DST: variants seen among roughly 807,000 people sequenced by gnomAD.
DST encodes bullous pemphigoid antigen.
Under a neutral mutation model 875.2 loss-of-function variants are expected in DST, and 253 were observed. The ratio of observed to expected loss-of-function variants is 0.29; its 90% CI spans 0.26 to 0.32. The LOEUF (loss-of-function observed/expected upper bound fraction) is 0.32. Among genes scored for constraint, DST ranks in the 10% least tolerant of loss-of-function variants. The pLI is 1.00. For synonymous variants in DST, 3,124 were observed against 3,197.1 expected, an observed-to-expected ratio of 0.98 and a Z score of 0.77; for missense variants, 8,287 against 9,111.6, an observed-to-expected ratio of 0.91 and a Z score of 3.68.
At chr6:56,619,983 C>A (rs778612637) in intron 36 of DST, 2 of 1,613,992 alleles carry the variant, frequency 1.2e-6, no homozygotes, top group South Asian at 1.1e-5. Flanking sequence ...TGCTGGAGAC[C>A]CGTTACTGCC....
At chr6:56,914,174 C>T (rs755012021) in intron 2 of DST, among the ~76,000 whole-genome samples, 9 of 152,120 alleles carry the variant, frequency 5.9e-5, no homozygotes, top group Non-Finnish European at 1.0e-4. Context: ...GGCTTTCAGG[C>T]ATATTTATGG....
intron 59 of DST, among the ~76,000 whole-genome samples, chr6:56,556,088 A>G (rs1438105920): frequency 6.6e-6 from 1 of 152,226 alleles, no homozygotes; most frequent in Admixed American, 6.5e-5. Flanking sequence ...AAAATGAACA[A>G]AAATTCATGT....
At chr6:56,668,534 G>A (rs2099083409) in intron 10 of DST, among the ~76,000 whole-genome samples, 3 of 152,014 alleles carry the variant, frequency 2.0e-5, no homozygotes, top group Admixed American at 6.6e-5. Context: ...CTGAGGTAAG[G>A]AGTTCAAGAC....
intron 4 of DST, among the ~76,000 whole-genome samples, chr6:56,832,833 A>G (rs2099788842): frequency 6.6e-6 from 1 of 152,078 alleles, no homozygotes; most frequent in Non-Finnish European, 1.5e-5. Context: ...TCGGCCTCCC[A>G]GGTTCAAGTG....
At chr6:56,776,031 G>A (rs188796920) in intron 4 of DST, among the ~76,000 whole-genome samples, 3 of 152,310 alleles carry the variant, frequency 2.0e-5, no homozygotes, top group East Asian at 3.9e-4. Flanking sequence ...AAACTTTACC[G>A]CAGTCAGGTA....
chr6:56,590,166 ATC>A (rs1350019342), intron 49 of DST, among the ~76,000 whole-genome samples: 3 of 152,144 alleles, frequency 2.0e-5, no homozygotes, highest in African/African-American at 7.2e-5. Context: ...CTCCTTTGAG[ATC>A]TCTTTCTTTT....
intron 50 of DST, among the ~76,000 whole-genome samples, chr6:56,577,809 T>C (rs1163247177): frequency 2.0e-5 from 3 of 152,276 alleles, no homozygotes; most frequent in African/African-American, 7.2e-5. Context: ...ATATGTAAGA[T>C]AGTAAAAAAT....
chr6:56,890,605 A>G (rs1786920243), intron 3 of DST, among the ~76,000 whole-genome samples: 1 of 152,252 alleles, frequency 6.6e-6, no homozygotes, highest in Non-Finnish European at 1.5e-5. Flanking sequence ...TTAAGTTTTT[A>G]TTAGTGATCC....
At chr6:56,499,145 T>C (rs553278096) in intron 80 of DST, among the ~76,000 whole-genome samples, 196 of 152,286 alleles carry the variant, frequency 1.3e-3, no homozygotes, top group Non-Finnish European at 1.6e-3. Context: ...AAGTTGATCC[T>C]ACTCTTTACT....
At position 56,605,791 on chromosome 6, in the gene DST, ATATTAT is replaced by A. The variant is rs780562931; in HGVS notation, c.8831_8836del (p.Asn2944_Asn2945del). ...AGTACCTAATTCAGAAGTTGAACTGATATTATTATTATCATGTGAAATACTTGCAGG... is the reference window on the plus strand; with the variant it reads ...AGTACCTAATTCAGAAGTTGAACTGATATTATCATGTGAAATACTTGCAGG... On this transcript the variant is annotated inframe_deletion, in exon 40 of 104. Transcript: ENST00000680361. 3 of 1,612,588 alleles carry A rather than the reference ATATTAT, an allele frequency of 1.9e-6. No homozygotes were observed. In the African/African-American group the frequency reaches 4.0e-5, roughly 22 times the overall value.
intron 2 of DST, among the ~76,000 whole-genome samples, chr6:56,953,395 G>C (rs1017033317): frequency 2.0e-5 from 3 of 152,206 alleles, no homozygotes; most frequent in Non-Finnish European, 4.4e-5. Context: ...AAATGCATAT[G>C]GATCAAATTG....
intron 4 of DST, among the ~76,000 whole-genome samples, chr6:56,757,781 A>C (rs1011050608): frequency 7.9e-5 from 12 of 152,176 alleles, no homozygotes; most frequent in Non-Finnish European, 1.6e-4. Context: ...GCAGCAGCCT[A>C]AGTCTGCAGG....
rs577671918 is a variant in DST, at chr6:56,634,182, G to A, written c.3571C>T (p.His1191Tyr). 7 of 1,613,496 alleles carry A rather than the reference G, an allele frequency of 4.3e-6. No individual in the cohort carries two copies. The South Asian group carries it at 4.4e-5, about 10-fold the overall frequency. The change falls in exon 27 of 104, where the codon CAT becomes TAT. Residue 1191 changes from histidine to tyrosine, a missense_variant. His to Tyr is a moderately conservative substitution (Grantham distance 83). Transcript: ENST00000680361. ...CTATCAATTTCATTGATGAGATAAT[G>A]CCAGGATACTACACTCTTCATGTTT... ...HINMKSVVSWHYLINEIDRIR... is the reference protein window; with the variant it reads ...HINMKSVVSWYYLINEIDRIR...
chr6:56,892,304 C>G (rs1428377695), intron 3 of DST, among the ~76,000 whole-genome samples: 2 of 151,696 alleles, frequency 1.3e-5, no homozygotes, highest in Non-Finnish European at 2.9e-5. Context: ...GCATCTGCTA[C>G]CCAGCCAATT....
At chr6:56,706,634 G>C (rs1022558842) in intron 5 of DST, among the ~76,000 whole-genome samples, 2 of 152,164 alleles carry the variant, frequency 1.3e-5, no homozygotes, top group East Asian at 3.8e-4. Flanking sequence ...GGATGAAACT[G>C]TTCCACCTCA....
chr6:56,482,788 G>A lies in DST; in HGVS notation c.21297C>T (p.Asp7099=), dbSNP rs2095442130. The change falls in exon 89 of 104, where the codon GAC becomes GAT. Residue 7099 remains aspartate (D), a synonymous_variant. Coordinates refer to ENST00000680361, the MANE Select transcript of DST (RefSeq NM_001374736.1). The part of the protein sequence containing the change: ...ARELIEGSRD[D]SSWVKVQMQE... ...GCATCTGGACCTTGACCCAGGAGGA[G>A]TCATCCCGACTGCCTTCTATGAGTT... The A allele has an allele frequency of 1.2e-6, 2 of 1,613,808 alleles. No individual in the cohort carries two copies. Among genetic ancestry groups the A allele is most frequent in the African/African-American group, 1.3e-5 (1 of 75,022 alleles).
At chr6:56,540,847 A>C (rs1011207893) in intron 61 of DST, 3 of 152,624 alleles carry the variant, frequency 2.0e-5, no homozygotes, top group African/African-American at 7.2e-5. Context: ...TTTGACATGA[A>C]AGCAGTGGGA....
chr6:56,877,720 C>CA (rs2127626196), intron 3 of DST, among the ~76,000 whole-genome samples: 1 of 152,230 alleles, frequency 6.6e-6, no homozygotes. Flanking sequence ...AGGCTGGGAA[C>CA]AACACAATAA....
At chr6:56,899,373 T>C (rs953001619) in intron 3 of DST, among the ~76,000 whole-genome samples, 3 of 152,228 alleles carry the variant, frequency 2.0e-5, no homozygotes, top group African/African-American at 7.2e-5. Flanking sequence ...CAATTGGTTA[T>C]GATAAACAGA....
Sources: allele counts gnomAD v4.1 joint callset (sites outside exome capture counted in the v4.1 genomes callset), GRCh38; gene constraint gnomAD v4.1.1; transcripts MANE v1.5; gene names NCBI Gene and HGNC (gene_info 2026-07-23, HGNC 2026-07-21).